Variants in NBPF3 observed in about 807,000 individuals in gnomAD.
NBPF3 encodes NBPF member 3.
Under a neutral mutation model 78.1 loss-of-function variants are expected in NBPF3, and 57 were observed. The ratio of observed to expected loss-of-function variants is 0.73; its 90% CI spans 0.59 to 0.91. NBPF3 has a LOEUF of 0.91. Among genes scored for constraint, NBPF3 ranks in the 40% least tolerant of loss-of-function variants. The pLI, the probability that NBPF3 is intolerant of heterozygous loss-of-function variation, is 0.00. For missense variants in NBPF3, 510 were observed against 715.3 expected, an observed-to-expected ratio of 0.71 and a Z score of 3.27; for synonymous variants, 182 against 271.7, an observed-to-expected ratio of 0.67 and a Z score of 3.25.
intron 4 of NBPF3, among the ~76,000 whole-genome samples, chr1:21,471,231 G>A (rs1311326842): frequency 6.6e-6 from 1 of 152,134 alleles, no homozygotes; most frequent in Non-Finnish European, 1.5e-5. Context: ...GATGCACTAT[G>A]TGTATATGCA....
chr1:21,439,100 C>G (rs1640495758), upstream of NBPF3, among the ~76,000 whole-genome samples: 2 of 152,094 alleles, frequency 1.3e-5, no homozygotes, highest in South Asian at 4.1e-4. Context: ...TGGGACTTGG[C>G]ACGTGGCTGG....
chr1:21,464,203 A>C (rs1052144485), intron 2 of NBPF3, among the ~76,000 whole-genome samples: 15 of 152,242 alleles, frequency 9.9e-5, no homozygotes, highest in Non-Finnish European at 2.2e-4. Context: ...ATAATAGTTA[A>C]AAAGTGGAAA....
intron 2 of NBPF3, among the ~76,000 whole-genome samples, chr1:21,452,316 C>T (rs1338659379): frequency 6.6e-6 from 1 of 152,172 alleles, no homozygotes; most frequent in Non-Finnish European, 1.5e-5. Flanking sequence ...CCAAGAGTGT[C>T]TTATCTGAAA....
At chr1:21,453,835 C>T (rs190491077) in intron 2 of NBPF3, 8 of 152,244 alleles carry the variant, frequency 5.3e-5, no homozygotes, top group African/African-American at 1.9e-4. Context: ...AGATTGGATC[C>T]CTTGAGGAAG....
intron 2 of NBPF3, among the ~76,000 whole-genome samples, chr1:21,461,381 G>A (rs1641941485): frequency 1.3e-5 from 2 of 152,112 alleles, no homozygotes; most frequent in African/African-American, 2.4e-5. Context: ...CAAACAAAAC[G>A]AAACAAGGGA....
At chr1:21,466,109 T>A in intron 2 of NBPF3, 1 of 985,542 alleles carries the variant, frequency 1.0e-6, no homozygotes, top group African/African-American at 1.7e-5. Context: ...GGAGCCCGAA[T>A]CACTGATGGA....
At chr1:21,468,444 G>T in intron 2 of NBPF3, 2 of 1,395,136 alleles carry the variant, frequency 1.4e-6, no homozygotes, top group Non-Finnish European at 1.9e-6. Context: ...ACTGCAGACC[G>T]TTACCTGGCA....
intron 10 of NBPF3, 31 bp from the exon 11 acceptor site, chr1:21,480,019 TG>T: frequency 9.8e-7 from 1 of 1,025,044 alleles, no homozygotes; most frequent in East Asian, 2.4e-5. Flanking sequence ...TGATTCCCCC[TG>T]GCTTATTCTT....
intron 2 of NBPF3, among the ~76,000 whole-genome samples, chr1:21,465,575 G>A (rs1313497968): frequency 6.6e-6 from 1 of 152,216 alleles, no homozygotes; most frequent in Non-Finnish European, 1.5e-5. Context: ...AAGGACATCT[G>A]GCTTGCTGGG....
In NBPF3 at chr1:21,473,399, G is replaced by A; in HGVS notation, c.754G>A (p.Glu252Lys). The A allele has an allele frequency of 6.2e-7, 1 of 1,614,132 alleles. No homozygotes were observed. Among genetic ancestry groups the A allele is most frequent in the Non-Finnish European group, 8.5e-7 (1 of 1,179,974 alleles). The change falls in exon 7 of 15, where the codon GAA becomes AAA. Residue 252 changes from glutamate to lysine, a missense_variant. Glu to Lys is a moderately conservative substitution (Grantham distance 56, BLOSUM62 1). Around this residue, in one of 5 missense-constraint regions of NBPF3, gnomAD observed 440 missense variants for 478.2 expected, o/e 0.92. Coordinates refer to ENST00000318249, the MANE Select transcript of NBPF3 (RefSeq NM_032264.6). ...CATCAGGGAGGTGCAGAAGGCTGAA[G>A]AAAAGGAAGTCCCTGAGGACTCACT... ...YAPREVQKAE[E>K]KEVPEDSLEE...
In NBPF3 at chr1:21,471,873, T is replaced by C; in HGVS notation, c.661+90T>C. On this transcript the variant is annotated intron_variant, in intron 5 of 14. Transcript: ENST00000318249. Reference sequence around the variant, plus strand: ...ACTTTCACAATGACATTTGTATCGGTGGTGTTTTTTCCCACTAAACGTATG... The same window carrying C: ...ACTTTCACAATGACATTTGTATCGGCGGTGTTTTTTCCCACTAAACGTATG... 3.3e-6 allele frequency: 5 copies of C among 1,538,124 alleles called. No homozygotes were observed. In the South Asian group the frequency reaches 5.7e-5, roughly 17 times the overall value.
chr1:21,467,553 A>G (rs954547927), intron 2 of NBPF3, among the ~76,000 whole-genome samples: 6 of 152,204 alleles, frequency 3.9e-5, no homozygotes, highest in African/African-American at 1.2e-4. Flanking sequence ...CCAAAAATCA[A>G]TGGTGTTAGT....
intron 9 of NBPF3, 105 bp downstream of exon 9, chr1:21,478,412 T>C: frequency 8.0e-7 from 1 of 1,244,780 alleles, no homozygotes. Flanking sequence ...TTGCCATCAC[T>C]GTGGGTGGAA....
chr1:21,470,458 A>T (rs534690397), intron 3 of NBPF3, among the ~76,000 whole-genome samples, 174 bp from the exon 4 acceptor site: 2 of 152,186 alleles, frequency 1.3e-5, no homozygotes, highest in Admixed American at 6.5e-5. Flanking sequence ...ATTTTGGAGG[A>T]TCAGCTGCCA....
chr1:21,472,294 C>T (rs1570065643), intron 5 of NBPF3, among the ~76,000 whole-genome samples: 1 of 152,192 alleles, frequency 6.6e-6, no homozygotes, highest in East Asian at 1.9e-4. Context: ...GATAAAGCCC[C>T]TCGCCATGTG....
chr1:21,454,297 C>T (rs571191798), intron 2 of NBPF3: 2 of 152,266 alleles, frequency 1.3e-5, no homozygotes, highest in African/African-American at 4.8e-5. Context: ...GAATAAATGC[C>T]TAGACTCCCA....
chr1:21,448,389 G>A (rs115128738), intron 2 of NBPF3, among the ~76,000 whole-genome samples: 3,905 of 151,918 alleles, frequency 0.026, 156 homozygotes, highest in African/African-American at 0.088. Flanking sequence ...TGGAAAGGCT[G>A]TCTTTGCTGT....
intron 4 of NBPF3, among the ~76,000 whole-genome samples, chr1:21,471,283 G>T (rs559067370): frequency 1.1e-4 from 16 of 152,272 alleles, no homozygotes; most frequent in Non-Finnish European, 1.8e-4. Context: ...TGAAAGGATG[G>T]ATGTCTTTTT....
Position 21,445,308 on chromosome 1 carries a change from C to A in NBPF3, c.133+89C>A, listed in dbSNP as rs547442399. ...GATGTGAAGGGAAGATGTCAAGGTCCCTAAACATTGCAGGGCCTTGCCTGG... is the reference window on the plus strand; with the variant it reads ...GATGTGAAGGGAAGATGTCAAGGTCACTAAACATTGCAGGGCCTTGCCTGG... On this transcript the variant is annotated intron_variant, in intron 2 of 14. Coordinates refer to ENST00000318249, the MANE Select transcript of NBPF3 (RefSeq NM_032264.6). 22 of 1,446,848 alleles carry A rather than the reference C, an allele frequency of 1.5e-5. No homozygotes were observed. In the South Asian group the frequency reaches 2.7e-4, roughly 18 times the overall value. The allele number at this position is 1,446,848 out of a possible 1,614,324, so 89.6% of individuals were successfully genotyped here. A position where few individuals can be genotyped will look rare whatever the true frequency, so the allele number is the denominator to read the frequency against.
Sources: allele counts gnomAD v4.1 joint callset (sites outside exome capture counted in the v4.1 genomes callset), GRCh38; gene constraint gnomAD v4.1.1; regional missense constraint gnomAD v4.1.1; transcripts MANE v1.5; gene names NCBI Gene and HGNC (gene_info 2026-07-23, HGNC 2026-07-21).